CCNQ: variants seen among roughly 807,000 people sequenced by gnomAD.
The protein encoded by CCNQ is cyclin Q, also known as cyclin-Q.
A neutral mutation model predicts 17.7 loss-of-function variants in CCNQ; 3 were observed. That is an observed-to-expected ratio of 0.17 (90% CI 0.08 to 0.44). The LOEUF is 0.44. CCNQ is among the 20% of genes least tolerant of loss of function. The pLI, the probability that CCNQ is intolerant of heterozygous loss-of-function variation, is 0.99. For missense variants in CCNQ, 146 were observed against 222.6 expected, an observed-to-expected ratio of 0.66 and a Z score of 2.19; for synonymous variants, 73 against 96.0, an observed-to-expected ratio of 0.76 and a Z score of 1.40.
At chrX:153,595,074 G>A (rs933227301) in intron 2 of CCNQ, among the ~76,000 whole-genome samples, 47 of 112,659 alleles carry the variant, frequency 4.2e-4, no homozygotes, top group African/African-American at 1.2e-3. Flanking sequence ...GGCAATGCCC[G>A]GGGCTCTCAC....
chrX:153,591,045 G>A (rs1358167466), intron 4 of CCNQ, among the ~76,000 whole-genome samples: 1 of 112,152 alleles, frequency 8.9e-6, no homozygotes, highest in Non-Finnish European at 1.9e-5. Flanking sequence ...CTGAGCCCGT[G>A]GCAGATAAGT....
At chrX:153,589,737 A>G (rs1557025349) in intron 4 of CCNQ, among the ~76,000 whole-genome samples, 1 of 112,005 alleles carries the variant, frequency 8.9e-6, no homozygotes, top group Non-Finnish European at 1.9e-5. Context: ...CTCCCAAAGA[A>G]CCCTAGGTTC....
chrX:153,592,303 G>A (rs940760776), intron 4 of CCNQ, among the ~76,000 whole-genome samples: 8 of 113,289 alleles, frequency 7.1e-5, no homozygotes, highest in South Asian at 3.6e-4. Flanking sequence ...ACTCCTGTTC[G>A]ACATCCGGGA....
intron 4 of CCNQ, among the ~76,000 whole-genome samples, chrX:153,589,955 T>C (rs782608240): frequency 6.3e-5 from 7 of 111,284 alleles, no homozygotes; most frequent in African/African-American, 1.6e-4. Context: ...GGGCTGGGCA[T>C]AGTGGCTCAC....
rs1557027789 is a variant in CCNQ, at chrX:153,599,030, C to G, written c.44G>C (p.Gly15Ala). 3.6e-6 allele frequency: 4 copies of G among 1,106,293 alleles called. No individual in the cohort carries two copies. The highest frequency in any genetic ancestry group is 4.7e-6 in the Non-Finnish European group (4 of 846,143). The allele number at this position is 1,106,293 out of a possible 1,213,427, so 91.2% of individuals were successfully genotyped here. ...EGGGGGPAARGPEGQPAPEAR... is the reference protein window; with the variant it reads ...EGGGGGPAARAPEGQPAPEAR... ...TTCGGGCGCCGGCTGCCCCTCCGGG[C>G]CCCGCGCTGCAGGCCCCCCTCCGCC... The change falls in exon 1 of 5, where the codon GGC becomes GCC. Residue 15 changes from glycine (G) to alanine (A), a missense_variant. Coordinates refer to ENST00000576892, the MANE Select transcript of CCNQ (RefSeq NM_152274.5).
intron 1 of CCNQ, among the ~76,000 whole-genome samples, chrX:153,596,496 A>G (rs1603162947): frequency 8.9e-6 from 1 of 112,548 alleles, no homozygotes; most frequent in African/African-American, 3.2e-5. Flanking sequence ...ACGCTCTGGG[A>G]AACAAGGGTT....
rs367834978 is a variant in CCNQ, at chrX:153,598,416, GA to G, written c.112+545del. ...GGCCAACAGAGCGAGACTCCGTCTCGAAAAAAAAAAAAATACTGTTGATGGC... is the reference window on the plus strand; with the variant it reads ...GGCCAACAGAGCGAGACTCCGTCTCGAAAAAAAAAAAATACTGTTGATGGC... On this transcript the variant is annotated intron_variant, in intron 1 of 4. Coordinates refer to ENST00000576892, the MANE Select transcript of CCNQ (RefSeq NM_152274.5). 9.9e-3 allele frequency among the ~76,000 whole-genome samples: 1,003 copies of G among 101,700 alleles called. 9 individuals carry two copies. The highest frequency in any genetic ancestry group is 0.031 in the African/African-American group (861 of 27,878). The allele number at this position is 101,700 out of a possible 115,157, so 88.3% of individuals were successfully genotyped here.
chrX:153,594,692 A>C lies in CCNQ; in HGVS notation c.297-13T>G, dbSNP rs782277665. ...TGGGTTAAAGTACCTGCGCAGAGAA[A>C]TGGCAATGCTTCAGCAGCCAGGGCA... On this transcript the variant is annotated splice_polypyrimidine_tract_variant and intron_variant, in intron 2 of 4. Coordinates refer to ENST00000576892, the MANE Select transcript of CCNQ (RefSeq NM_152274.5). 2 of 1,211,574 alleles carry C rather than the reference A, an allele frequency of 1.7e-6. No homozygotes were observed. The highest frequency in any genetic ancestry group is 3.5e-5 in the South Asian group (2 of 57,017).
intron 1 of CCNQ, among the ~76,000 whole-genome samples, chrX:153,596,508 C>T (rs1003480692): frequency 5.3e-5 from 6 of 112,565 alleles, no homozygotes; most frequent in Non-Finnish European, 9.4e-5. Flanking sequence ...ACAAGGGTTC[C>T]GAGGACCGCT....
intron 4 of CCNQ, among the ~76,000 whole-genome samples, chrX:153,591,891 T>C (rs2148299064): frequency 9.4e-6 from 1 of 106,558 alleles, no homozygotes; most frequent in South Asian, 4.2e-4. Flanking sequence ...CACGCAAAAA[T>C]CAGCAAATGC....
At chrX:153,596,632 T>C (rs1203953466) in intron 1 of CCNQ, among the ~76,000 whole-genome samples, 2 of 112,802 alleles carry the variant, frequency 1.8e-5, no homozygotes. Context: ...ACCCCACAGC[T>C]ACGACGACAG....
chrX:153,597,526 G>A (rs1326947863), intron 1 of CCNQ: 1 of 111,325 alleles, frequency 9.0e-6, no homozygotes, highest in East Asian at 2.8e-4. Flanking sequence ...CTTCTCTGAC[G>A]GTGACTCCTC....
chrX:153,598,894 C>A, intron 1 of CCNQ, 68 bp downstream of exon 1: 1 of 846,019 alleles, frequency 1.2e-6, no homozygotes, highest in South Asian at 2.8e-5. Context: ...GCCGGCCTGG[C>A]CAGCCGGGCC....
At chrX:153,589,042 T>A (rs781825967) in intron 4 of CCNQ, among the ~76,000 whole-genome samples, 5 of 113,014 alleles carry the variant, frequency 4.4e-5, no homozygotes, top group African/African-American at 1.6e-4. Flanking sequence ...CAAAGGCAGG[T>A]CTGGCCTCTG....
intron 3 of CCNQ, 145 bp downstream of exon 3, chrX:153,594,402 G>A (rs181043209): frequency 2.4e-6 from 2 of 816,870 alleles, no homozygotes; most frequent in Non-Finnish European, 1.8e-6. Context: ...CACAAACACA[G>A]AGCCAGGAGA....
chrX:153,596,695 A>T (rs2091030903), intron 1 of CCNQ, among the ~76,000 whole-genome samples: 2 of 112,970 alleles, frequency 1.8e-5, no homozygotes, highest in South Asian at 7.1e-4. Flanking sequence ...GTGAAAGATT[A>T]CACTGAGCAC....
chrX:153,593,846 T>C (rs1362487254), intron 3 of CCNQ, among the ~76,000 whole-genome samples: 1 of 112,093 alleles, frequency 8.9e-6, no homozygotes, highest in Admixed American at 9.4e-5. Flanking sequence ...ATGTCACAAC[T>C]GCATGGGAAT....
In CCNQ at chrX:153,589,044, T is replaced by C. The variant is rs369326001; in HGVS notation, c.658-590A>G. Among the ~76,000 whole-genome samples, 5 of 113,218 alleles carry C rather than the reference T, an allele frequency of 4.4e-5. No individual in the cohort carries two copies. In the East Asian group the frequency reaches 1.4e-3, roughly 31 times the overall value. ...ACCCTGTACCTTCCAAAGGCAGGTCTGGCCTCTGCCTGGCTCCTGGAGGAT... is the reference window on the plus strand; with the variant it reads ...ACCCTGTACCTTCCAAAGGCAGGTCCGGCCTCTGCCTGGCTCCTGGAGGAT... On this transcript the variant is annotated intron_variant, in intron 4 of 4. Coordinates refer to ENST00000576892, the MANE Select transcript of CCNQ (RefSeq NM_152274.5).
chrX:153,597,082 C>T (rs1429467062), intron 1 of CCNQ, among the ~76,000 whole-genome samples: 2 of 112,229 alleles, frequency 1.8e-5, no homozygotes, highest in Non-Finnish European at 3.8e-5. Context: ...TGAATGGCTC[C>T]TAAGAAAATC....
Sources: gnomAD v4.1 joint callset for allele counts (sites outside exome capture counted in the v4.1 genomes callset) on GRCh38, gnomAD v4.1.1 for gene constraint, MANE v1.5 for transcripts, NCBI Gene and HGNC (gene_info 2026-07-23, HGNC 2026-07-21) for gene names.